SMC4: variants seen among roughly 807,000 people sequenced by gnomAD.
SMC4 encodes structural maintenance of chromosomes 4.
Under a neutral mutation model 145.6 loss-of-function variants are expected in SMC4, and 87 were observed. That is an observed-to-expected ratio of 0.60 (90% CI 0.50 to 0.71). The LOEUF is 0.71. Ranked by LOEUF, SMC4 falls within the 30% of genes least tolerant of loss-of-function variation. The pLI is 0.00. For missense variants in SMC4, 1,447 were observed against 1,537.1 expected, an observed-to-expected ratio of 0.94 and a Z score of 0.98; for synonymous variants, 558 against 500.7, an observed-to-expected ratio of 1.11 and a Z score of -1.53.
chr3:160,429,478 G>A (rs1167804253), intron 18 of SMC4, among the ~76,000 whole-genome samples: 1 of 151,896 alleles, frequency 6.6e-6, no homozygotes, highest in African/African-American at 2.4e-5. Context: ...CAAGTAGCTG[G>A]GACTACAGGA....
rs1358085250 is a variant in SMC4, at chr3:160,413,581, A to C, written c.1089A>C (p.Lys363Asn). 1 of 1,465,138 alleles carries C rather than the reference A, an allele frequency of 6.8e-7. No individual in the cohort carries two copies. The highest frequency in any genetic ancestry group is 1.4e-5 in the African/African-American group (1 of 69,838). The allele number at this position is 1,465,138 out of a possible 1,614,324, so 90.8% of individuals were successfully genotyped here. The change falls in exon 8 of 24, where the codon AAA becomes AAC. Residue 363 changes from lysine to asparagine, a missense_variant. Coordinates refer to ENST00000357388, the MANE Select transcript of SMC4 (RefSeq NM_001002800.3). ...EKSNILSNEM[K>N]AKNKDVKDTE... ...GCAATATACTATCAAATGAAATGAA[A>C]GCTAAGAATAAAGATGTAAAAGATA...
At chr3:160,410,209 A>G (rs896829050) in intron 5 of SMC4, among the ~76,000 whole-genome samples, 4 of 152,358 alleles carry the variant, frequency 2.6e-5, no homozygotes, top group African/African-American at 9.6e-5. Context: ...TATAGCTGGT[A>G]GAAGTGGGGA....
intron 11 of SMC4, among the ~76,000 whole-genome samples, chr3:160,419,087 T>C (rs1716892941): frequency 6.6e-6 from 1 of 152,152 alleles, no homozygotes; most frequent in Non-Finnish European, 1.5e-5. Flanking sequence ...CAGCTATACT[T>C]CTCTATCAGG....
intron 16 of SMC4, 87 bp from the exon 17 acceptor site, chr3:160,425,987 G>A: frequency 9.8e-7 from 1 of 1,019,050 alleles, no homozygotes; most frequent in Non-Finnish European, 1.4e-6. Context: ...TCTTTTTCTT[G>A]AAGATTTTAA....
chr3:160,403,579 T>C (rs528146600), intron 4 of SMC4, among the ~76,000 whole-genome samples: 1 of 152,122 alleles, frequency 6.6e-6, no homozygotes, highest in Non-Finnish European at 1.5e-5. Context: ...TAATACAAAG[T>C]GCTTTAATTA....
intron 8 of SMC4, chr3:160,413,916 T>G: frequency 3.3e-6 from 1 of 302,716 alleles, no homozygotes; most frequent in Non-Finnish European, 6.2e-6. Context: ...GATAGAGGGA[T>G]AGGATTTGGG....
rs1038263749 is a variant in SMC4, at chr3:160,419,502, GA to G, written c.1824del (p.Lys608AsnfsTer15). 5 of 1,596,806 alleles carry G rather than the reference GA, an allele frequency of 3.1e-6. No homozygotes were observed. The highest frequency in any genetic ancestry group is 3.6e-5 in the Admixed American group (2 of 56,128). ...RGKVLDAIIQ[E>X]KKSGRIPGIY... The stretch of plus-strand genomic sequence containing the variant: ...GAAAGTCCTTGATGCAATAATTCAA[GA>G]AAAAAAATCTGGCAGGATTCCAGGA... On this transcript the variant is annotated frameshift_variant, in exon 12 of 24. Transcript: ENST00000357388. LOFTEE classifies it high-confidence loss of function.
Position 160,409,296 on chromosome 3 carries a change from T to G in SMC4, c.688-2624T>G, listed in dbSNP as rs184217811. 5.5e-3 allele frequency among the ~76,000 whole-genome samples: 748 copies of G among 136,080 alleles called. 12 individuals carry two copies. The highest frequency in any genetic ancestry group is 0.02 in the African/African-American group (725 of 36,332). 89.3% of individuals were successfully genotyped at this position (136,080 alleles called of 152,430 possible). ...AAAAAAAAAAAAAAAAAAAAAAGAC[T>G]GAATGTTATACAGGAGTTGAGATGT... On this transcript the variant is annotated intron_variant, in intron 5 of 23. Coordinates refer to ENST00000357388, the MANE Select transcript of SMC4 (RefSeq NM_001002800.3).
intron 10 of SMC4, 33 bp from the exon 11 acceptor site, chr3:160,417,690 C>A (rs754819843): frequency 1.3e-6 from 2 of 1,488,988 alleles, no homozygotes; most frequent in Non-Finnish European, 9.3e-7. Context: ...AAGTAAATAT[C>A]TGTCCAGATT....
In SMC4 at chr3:160,433,770, T is replaced by TTTAC; in HGVS notation, c.3828_3829insTTAC (p.Val1277LeufsTer10). The TTTAC allele has an allele frequency of 6.2e-7, 1 of 1,603,892 alleles. No individual in the cohort carries two copies. Among genetic ancestry groups the TTTAC allele is most frequent in the Non-Finnish European group, 8.5e-7 (1 of 1,176,616 alleles). Reference sequence around the variant, plus strand: ...CATACAACATAACAAAAAGTGTTGCTGTAAATCCAAAAGAAATTGCATCTA... The same window carrying TTTAC: ...CATACAACATAACAAAAAGTGTTGCTTTACGTAAATCCAAAAGAAATTGCATCTA... On this transcript the variant is annotated frameshift_variant, in exon 24 of 24. Transcript: ENST00000357388. LOFTEE classifies it high-confidence loss of function.
chr3:160,412,297 T>C (rs1188114854), intron 6 of SMC4, 29 bp from the exon 7 acceptor site: 1 of 1,569,840 alleles, frequency 6.4e-7, no homozygotes, highest in Admixed American at 1.8e-5. Context: ...GAAGTGTGTA[T>C]TCAGTCTTTA....
At chr3:160,412,991 G>A in intron 7 of SMC4, 1 of 186,546 alleles carries the variant, frequency 5.4e-6, no homozygotes, top group Non-Finnish European at 1.0e-5. Flanking sequence ...GTGGAGTGCA[G>A]TGTGTGATCA....
chr3:160,431,633 G>T lies in SMC4; in HGVS notation c.3115-10G>T. ...GCCTTCTCTAACTCTCCCCTAAATT[G>T]AACTTTTAGATTTCAAAAATATCAC... On this transcript the variant is annotated splice_polypyrimidine_tract_variant and intron_variant, in intron 20 of 23. Transcript: ENST00000357388. 1 of 1,563,432 alleles carries T rather than the reference G, an allele frequency of 6.4e-7. No individual in the cohort carries two copies. Among genetic ancestry groups the T allele is most frequent in the South Asian group, 1.2e-5 (1 of 83,160 alleles).
At position 160,428,962 on chromosome 3, in the gene SMC4, C is replaced by A; in HGVS notation, c.2795+20C>A. Reference sequence around the variant, plus strand: ...TGACAGGTAGAGTATGCATGTTACCCTAACTTGTTTTCCCTTTCCCTGCCT... The same window carrying A: ...TGACAGGTAGAGTATGCATGTTACCATAACTTGTTTTCCCTTTCCCTGCCT... On this transcript the variant is annotated intron_variant, in intron 18 of 23. Coordinates refer to ENST00000357388, the MANE Select transcript of SMC4 (RefSeq NM_001002800.3). 1 of 1,543,892 alleles carries A rather than the reference C, an allele frequency of 6.5e-7. No homozygotes were observed. Among genetic ancestry groups the A allele is most frequent in the South Asian group, 1.3e-5 (1 of 79,912 alleles).
intron 13 of SMC4, among the ~76,000 whole-genome samples, chr3:160,422,619 C>G (rs1422996011): frequency 6.6e-6 from 1 of 152,102 alleles, no homozygotes; most frequent in Non-Finnish European, 1.5e-5. Flanking sequence ...TTACCCCATT[C>G]CTTGGATTGT....
intron 17 of SMC4, among the ~76,000 whole-genome samples, chr3:160,428,305 T>G (rs549701294): frequency 1.2e-4 from 18 of 152,348 alleles, no homozygotes; most frequent in South Asian, 6.2e-4. Context: ...GAACGCTAAT[T>G]CATCTTATAT....
In SMC4 at chr3:160,426,198, C is replaced by A; in HGVS notation, c.2603C>A (p.Thr868Lys). The change falls in exon 17 of 24, where the codon ACA becomes AAA. Residue 868 changes from threonine to lysine, a missense_variant and splice_region_variant. Transcript: ENST00000357388. ...GAAGAAAACGTTAGTGCTTTCAAAACAGGTATGTTTAGAGATAGACCTTTT... is the reference window on the plus strand; with the variant it reads ...GAAGAAAACGTTAGTGCTTTCAAAAAAGGTATGTTTAGAGATAGACCTTTT... The part of the protein sequence containing the change: ...LLEENVSAFK[T>K]EYDAVAEKAG... 6 of 1,600,884 alleles carry A rather than the reference C, an allele frequency of 3.7e-6. No homozygotes were observed. Among genetic ancestry groups the A allele is most frequent in the Admixed American group, 1.7e-5 (1 of 57,554 alleles).
At chr3:160,420,597 ATTTTG>A (rs1717059264) in intron 12 of SMC4, 138 bp from the exon 13 acceptor site, 2 of 692,086 alleles carry the variant, frequency 2.9e-6, no homozygotes, top group Admixed American at 7.2e-5. Context: ...CATATTTTGT[ATTTTG>A]TTGTGTACCC....
chr3:160,409,062 C>T (rs1325456204), intron 5 of SMC4, among the ~76,000 whole-genome samples: 2 of 151,038 alleles, frequency 1.3e-5, no homozygotes, highest in African/African-American at 2.4e-5. Context: ...GTCAGGAGAT[C>T]GAGACCATCC....
Sources: gnomAD v4.1 joint callset for allele counts (sites outside exome capture counted in the v4.1 genomes callset) on GRCh38, gnomAD v4.1.1 for gene constraint, MANE v1.5 for transcripts, NCBI Gene and HGNC (gene_info 2026-07-23, HGNC 2026-07-21) for gene names.